The following CLBA1 variants were observed in gnomAD, a reference collection of about 807,000 sequenced individuals.
The protein encoded by CLBA1 is uncharacterized protein CLBA1.
In CLBA1, 30 loss-of-function variants were observed where a neutral mutation model predicts 28.8. That is an observed-to-expected ratio of 1.04 (90% CI 0.78 to 1.41). The LOEUF is 1.41. Ranked by LOEUF, CLBA1 falls within the 40% of genes most tolerant of loss-of-function variation. The pLI is 0.00. For synonymous variants in CLBA1, 160 were observed against 152.8 expected (o/e 1.05, Z -0.35); for missense variants, 451 against 412.3 (o/e 1.09, Z -0.81).
chr14:104,999,281 T>C, downstream of CLBA1: 1 of 973,676 alleles, frequency 1.0e-6, no homozygotes, highest in Non-Finnish European at 1.2e-6. Context: ...CCTCATTCTT[T>C]CTAGTGGACG....
chr14:104,999,150 T>G (rs1900218446), downstream of CLBA1: 1 of 922,148 alleles, frequency 1.1e-6, no homozygotes, highest in African/African-American at 1.8e-5. Flanking sequence ...TCTAACCCTT[T>G]TGTCCTTCAT....
downstream of CLBA1, among the ~76,000 whole-genome samples, chr14:104,998,571 G>GT (rs1014342889): frequency 1.6e-4 from 25 of 152,092 alleles, no homozygotes; most frequent in African/African-American, 5.8e-4. Context: ...CTCTCTTTTT[G>GT]TTTTTTGTTT....
At chr14:104,998,503 T>TA (rs1454301147), downstream of CLBA1, among the ~76,000 whole-genome samples, 1 of 152,246 alleles carries the variant, frequency 6.6e-6, no homozygotes, top group Non-Finnish European at 1.5e-5. Flanking sequence ...GACAGGGTCT[T>TA]ACGATGTTGC....
At chr14:104,990,655 C>G (rs928588773) in intron 2 of CLBA1, 1 of 152,328 alleles carries the variant, frequency 6.6e-6, no homozygotes, top group Non-Finnish European at 1.5e-5. Context: ...CAGACCTTCT[C>G]AGTCCCTCAC....
chr14:105,000,815 C>T (rs892189360), intron 2 of CLBA1, among the ~76,000 whole-genome samples: 2 of 151,782 alleles, frequency 1.3e-5, no homozygotes, highest in East Asian at 1.9e-4. Context: ...AAAGTAGTAC[C>T]GCCGCTATGG....
Position 104,992,977 on chromosome 14 carries a change from G to C in CLBA1, c.729G>C (p.Met243Ile), listed in dbSNP as rs779606303. Residue 243 changes from methionine (M) to isoleucine (I), a missense_variant, in exon 4 of 5, where the codon ATG (methionine) becomes ATC (isoleucine). Transcript: ENST00000547315. ...TTTCTGGAGGCCAGGGCCACATCAT[G>C]GAAGATTGTGACCTCAAAGAGCCTG... is the stretch of plus-strand genomic sequence containing the variant. ...KNLSGGQGHI[M>I]EDCDLKEPEG... 6.2e-7 allele frequency: 1 copy of C among 1,614,146 alleles called. No homozygotes were observed. Among genetic ancestry groups the C allele is most frequent in the Non-Finnish European group, 8.5e-7 (1 of 1,179,980 alleles).
chr14:104,994,424 G>GT, intron 4 of CLBA1, 174 bp from the exon 5 acceptor site: 1 of 985,488 alleles, frequency 1.0e-6, no homozygotes, highest in Non-Finnish European at 1.2e-6. Flanking sequence ...GCCCCAGCAT[G>GT]TTTTCCCTGG....
intron 1 of CLBA1, among the ~76,000 whole-genome samples, chr14:104,988,560 C>T (rs1253054342): frequency 3.3e-5 from 5 of 152,154 alleles, no homozygotes; most frequent in Non-Finnish European, 5.9e-5. Context: ...AGGCTGGTCT[C>T]GAACTCCTGA....
Position 104,985,852 on chromosome 14 carries a change from C to CCTCG in CLBA1, c.-580_-579insCTCG. On this transcript the variant is annotated 5_prime_UTR_variant, in exon 1 of 5. Coordinates refer to ENST00000547315, the MANE Select transcript of CLBA1 (RefSeq NM_174891.4). The stretch of plus-strand genomic sequence containing the variant: ...GCAGGTTTCTCTCGCCCTGGTCCCG[C>CCTCG]GCGGCCCCGCCGAGGCGGCGACCAA... The CCTCG allele has an allele frequency of 4.5e-6, 1 of 222,470 alleles. No individual in the cohort carries two copies. Among genetic ancestry groups the CCTCG allele is most frequent in the Admixed American group, 6.0e-5 (1 of 16,746 alleles). The allele number at this position is 222,470 out of a possible 1,614,324, so 13.8% of individuals were successfully genotyped here.
At chr14:104,988,541 A>G (rs1899931973) in intron 1 of CLBA1, among the ~76,000 whole-genome samples, 1 of 152,024 alleles carries the variant, frequency 6.6e-6, no homozygotes, top group African/African-American at 2.4e-5. Context: ...GGGTTTCACC[A>G]TGTTGGCCAG....
chr14:104,986,394 G>C lies in CLBA1; in HGVS notation c.-38G>C. On this transcript the variant is annotated 5_prime_UTR_variant, in exon 1 of 5. Coordinates refer to ENST00000547315, the MANE Select transcript of CLBA1 (RefSeq NM_174891.4). Reference sequence around the variant, plus strand: ...CCCCGGCGTGCATGTCTCCTGAGCAGCTGCCCATCGGGCCTCTGCTGGCCT... The same window carrying C: ...CCCCGGCGTGCATGTCTCCTGAGCACCTGCCCATCGGGCCTCTGCTGGCCT... 1.9e-6 allele frequency: 3 copies of C among 1,597,650 alleles called. No individual in the cohort carries two copies. The highest frequency in any genetic ancestry group is 1.1e-5 in the South Asian group (1 of 89,802).
Position 104,991,606 on chromosome 14 carries a change from G to C in CLBA1, c.685G>C (p.Asp229His). The change falls in exon 3 of 5, where the codon GAT (aspartate) becomes CAT (histidine). Residue 229 changes from aspartate (D) to histidine (H), a missense_variant. Transcript: ENST00000547315. ...QENFFLVLGI[D>H]AAQKNLSGGQ... The stretch of plus-strand genomic sequence containing the variant: ...GAACTTCTTTCTTGTTCTCGGAATA[G>C]ATGCTGCGCAGAAGGTAGGCGGTTT... The C allele has an allele frequency of 6.2e-7, 1 of 1,612,586 alleles. No homozygotes were observed. The highest frequency in any genetic ancestry group is 8.5e-7 in the Non-Finnish European group (1 of 1,179,298).
downstream of CLBA1, among the ~76,000 whole-genome samples, chr14:104,998,429 G>T (rs918065112): frequency 2.8e-5 from 4 of 142,184 alleles, no homozygotes; most frequent in Non-Finnish European, 6.3e-5. Context: ...AAAAAAAAAA[G>T]AATTAAGTAG....
At position 104,986,388 on chromosome 14, in the gene CLBA1, T is replaced by G. The variant is rs775171550; in HGVS notation, c.-44T>G. 2.5e-6 allele frequency: 4 copies of G among 1,590,876 alleles called. No homozygotes were observed. The South Asian group carries it at 3.4e-5, about 13-fold the overall frequency. ...CCAGCACCCCGGCGTGCATGTCTCC[T>G]GAGCAGCTGCCCATCGGGCCTCTGC... On this transcript the variant is annotated 5_prime_UTR_variant, in exon 1 of 5. Coordinates refer to ENST00000547315, the MANE Select transcript of CLBA1 (RefSeq NM_174891.4).
chr14:104,991,646 C>T, intron 3 of CLBA1, 26 bp downstream of exon 3: 1 of 1,586,712 alleles, frequency 6.3e-7, no homozygotes, highest in Non-Finnish European at 8.6e-7. Flanking sequence ...TGACACAGGG[C>T]TCCTGGGAGT....
chr14:104,993,222 A>C (rs1900087255), intron 4 of CLBA1, 158 bp downstream of exon 4: 1 of 985,364 alleles, frequency 1.0e-6, no homozygotes, highest in African/African-American at 1.7e-5. Context: ...TAGGGCAGAC[A>C]GGCAAATTGT....
Position 104,994,691 on chromosome 14 carries a change from A to G in CLBA1, c.910A>G (p.Ile304Val), listed in dbSNP as rs1213001082. 2.5e-6 allele frequency: 4 copies of G among 1,613,934 alleles called. No homozygotes were observed. The highest frequency in any genetic ancestry group is 2.7e-5 in the African/African-American group (2 of 74,938). Reference sequence around the variant, plus strand: ...ATGCGGAGGTGGCCAGCACATCACTATTCCAAGGAAAAGGATGTTCACTCC... The same window carrying G: ...ATGCGGAGGTGGCCAGCACATCACTGTTCCAAGGAAAAGGATGTTCACTCC... ...PSCGGGQHIT[I>V]PRKRMFTPRK... The change falls in exon 5 of 5, where the codon ATT (isoleucine) becomes GTT (valine). Residue 304 changes from isoleucine to valine, a missense_variant. By Grantham distance (29) the Ile-to-Val change is conservative. Coordinates refer to ENST00000547315, the MANE Select transcript of CLBA1 (RefSeq NM_174891.4).
Position 104,987,344 on chromosome 14 carries a change from G to A in CLBA1, c.423+490G>A, listed in dbSNP as rs556473318. On this transcript the variant is annotated intron_variant, in intron 1 of 4. Transcript: ENST00000547315. ...TAATGAATTGGGTGATGCCCATTCC[G>A]ACCTGTCCGGGAGCCAGGGTCCCAG... Among the ~76,000 whole-genome samples, 100 of 152,292 alleles carry A rather than the reference G, an allele frequency of 6.6e-4. 1 individual carries two copies. In the South Asian group the frequency reaches 0.021, roughly 32 times the overall value.
At chr14:104,987,687 G>T in intron 1 of CLBA1, among the ~76,000 whole-genome samples, 1 of 128,680 alleles carries the variant, frequency 7.8e-6, no homozygotes, top group African/African-American at 2.9e-5. Context: ...GCACTGTGTC[G>T]GCTCACTGCA....
Sources: gnomAD v4.1 joint callset for allele counts (sites outside exome capture counted in the v4.1 genomes callset) on GRCh38, gnomAD v4.1.1 for gene constraint, MANE v1.5 for transcripts, NCBI Gene and HGNC (gene_info 2026-07-23, HGNC 2026-07-21) for gene names.